Variants in TNIP3 observed in about 807,000 individuals in gnomAD.
TNIP3 encodes TNFAIP3-interacting protein 3.
A neutral mutation model predicts 54.1 loss-of-function variants in TNIP3; 34 were observed. The ratio of observed to expected loss-of-function variants is 0.63; its 90% CI spans 0.48 to 0.84. TNIP3 has a LOEUF of 0.84. Ranked by LOEUF, TNIP3 falls within the 40% of genes least tolerant of loss-of-function variation. The probability of loss-of-function intolerance (pLI) is 0.00; values close to 1 mark genes in which losing one functional copy is unlikely to be tolerated. For missense variants in TNIP3, 366 were observed against 387.6 expected, an observed-to-expected ratio of 0.94 and a Z score of 0.47; for synonymous variants, 134 against 136.8, an observed-to-expected ratio of 0.98 and a Z score of 0.14.
At chr4:121,200,398 A>G (rs962643380) in intron 2 of TNIP3, among the ~76,000 whole-genome samples, 4 of 152,170 alleles carry the variant, frequency 2.6e-5, no homozygotes, top group Admixed American at 6.5e-5. Flanking sequence ...CAATGTCTCA[A>G]AACTGTACCT....
intron 3 of TNIP3, among the ~76,000 whole-genome samples, chr4:121,176,511 CATTATG>C (rs1329857543): frequency 1.2e-4 from 14 of 116,388 alleles, no homozygotes; most frequent in Admixed American, 9.4e-4. Context: ...ATCCTACTAG[CATTATG>C]ATGATGATGA....
intron 2 of TNIP3, among the ~76,000 whole-genome samples, chr4:121,186,043 G>A (rs1725000743): frequency 6.6e-6 from 1 of 152,210 alleles, no homozygotes; most frequent in South Asian, 2.1e-4. Context: ...CGTGAGCCTG[G>A]TTCAGCACAC....
upstream of TNIP3, among the ~76,000 whole-genome samples, chr4:121,217,789 A>G (rs1215413772): frequency 2.6e-5 from 4 of 152,216 alleles, no homozygotes; most frequent in Admixed American, 2.6e-4. Context: ...AAGGTTTTTA[A>G]AATGTCTTAT....
chr4:121,158,319 C>T (rs139901436), intron 3 of TNIP3, among the ~76,000 whole-genome samples: 1 of 152,064 alleles, frequency 6.6e-6, no homozygotes, highest in Non-Finnish European at 1.5e-5. Flanking sequence ...GCTAACCTGG[C>T]GTAAACAGTA....
At chr4:121,223,723 C>G (rs201990839) in intron 1 of TNIP3, among the ~76,000 whole-genome samples, 1 of 152,270 alleles carries the variant, frequency 6.6e-6, no homozygotes, top group East Asian at 1.9e-4. Flanking sequence ...CTTAGCTTCC[C>G]TATCCATTAG....
At chr4:121,182,834 G>A (rs1214258712) in intron 2 of TNIP3, 2 of 1,531,324 alleles carry the variant, frequency 1.3e-6, no homozygotes, top group Non-Finnish European at 1.7e-6. Flanking sequence ...ATTATACAAA[G>A]GTAATTAAAA....
intron 9 of TNIP3, among the ~76,000 whole-genome samples, chr4:121,140,722 T>G (rs540564263): frequency 6.6e-6 from 1 of 152,026 alleles, no homozygotes; most frequent in Non-Finnish European, 1.5e-5. Flanking sequence ...AAAAAAAAAT[T>G]TAATGTTATT....
At chr4:121,176,507 C>T (rs1255812383) in intron 3 of TNIP3, among the ~76,000 whole-genome samples, 1 of 135,628 alleles carries the variant, frequency 7.4e-6, no homozygotes, top group Non-Finnish European at 1.6e-5. Context: ...GCTCATCCTA[C>T]TAGCATTATG....
At chr4:121,207,619 G>A (rs1002963559) in intron 2 of TNIP3, among the ~76,000 whole-genome samples, 2 of 152,112 alleles carry the variant, frequency 1.3e-5, no homozygotes, top group African/African-American at 4.8e-5. Context: ...GCCACACAGA[G>A]GAGAGCAATG....
At chr4:121,190,245 C>A (rs1335454015) in intron 2 of TNIP3, among the ~76,000 whole-genome samples, 1 of 152,118 alleles carries the variant, frequency 6.6e-6, no homozygotes, top group Non-Finnish European at 1.5e-5. Flanking sequence ...TTTTGCCTGG[C>A]GTGTTTACTC....
intron 2 of TNIP3, among the ~76,000 whole-genome samples, chr4:121,207,397 G>A (rs115785808): frequency 0.015 from 2,274 of 152,228 alleles, 28 homozygotes; most frequent in Non-Finnish European, 0.022. Flanking sequence ...ATCTATTAAA[G>A]TTTCATAGAA....
rs549902528 is a variant in TNIP3, at chr4:121,154,386, TG to T, written c.492+164del. On this transcript the variant is annotated intron_variant, in intron 5 of 10. Coordinates refer to ENST00000057513, the MANE Select transcript of TNIP3 (RefSeq NM_024873.6). Reference sequence around the variant, plus strand: ...TAAAGCCTCCTTAGCCAAGTATGACTGAAAGCTGCAGCTAGGAGTGATTTAT... The same window carrying T: ...TAAAGCCTCCTTAGCCAAGTATGACTAAAGCTGCAGCTAGGAGTGATTTAT... 9 of 876,056 alleles carry T rather than the reference TG, an allele frequency of 1.0e-5. No individual in the cohort carries two copies. The African/African-American group carries it at 1.2e-4, about 12-fold the overall frequency. The allele number at this position is 876,056 out of a possible 1,614,324, so 54.3% of individuals were successfully genotyped here. A position where few individuals can be genotyped will look rare whatever the true frequency, so the allele number is the denominator to read the frequency against.
intron 7 of TNIP3, 56 bp from the exon 8 acceptor site, chr4:121,142,832 C>CA (rs372045170): frequency 4.8e-6 from 7 of 1,450,714 alleles, no homozygotes; most frequent in East Asian, 2.4e-5. Context: ...CATTAATTCC[C>CA]AAGCCACTCT....
Position 121,132,328 on chromosome 4 carries a change from A to G in TNIP3, c.*303T>C, listed in dbSNP as rs1407977176. On this transcript the variant is annotated 3_prime_UTR_variant, in exon 11 of 11. Transcript: ENST00000057513. ...CTAAATCATAGAATCATTTTTGTGCATCCAACAGCAATATGCTGAAGAGAT... is the reference window on the plus strand; with the variant it reads ...CTAAATCATAGAATCATTTTTGTGCGTCCAACAGCAATATGCTGAAGAGAT... 1 of 342,202 alleles carries G rather than the reference A, an allele frequency of 2.9e-6. No homozygotes were observed. Among genetic ancestry groups the G allele is most frequent in the Non-Finnish European group, 5.3e-6 (1 of 188,100 alleles). The allele number at this position is 342,202 out of a possible 1,614,324, so 21.2% of individuals were successfully genotyped here.
In TNIP3 at chr4:121,138,650, G is replaced by A. The variant is rs776688084; in HGVS notation, c.920C>T (p.Pro307Leu). The A allele has an allele frequency of 1.9e-5, 30 of 1,613,902 alleles. No homozygotes were observed. Among genetic ancestry groups the A allele is most frequent in the African/African-American group, 4.0e-5 (3 of 74,924 alleles). ...DYQWYALDQL[P>L]PDVQHKANGL... is the part of the protein sequence containing the mutation. The stretch of plus-strand genomic sequence containing the variant: ...ATTTGCCTTGTGTTGTACATCTGGC[G>A]GAAGCTGGTCAAGAGCATACCACTG... The change falls in exon 10 of 11, where the codon CCG becomes CTG. Residue 307 changes from proline to leucine, a missense_variant. Transcript: ENST00000057513.
In TNIP3 at chr4:121,194,311, T is replaced by C. The variant is rs1368036508; in HGVS notation, c.69-11515A>G. On this transcript the variant is annotated intron_variant, in intron 2 of 12. Coordinates refer to the TNIP3 transcript ENST00000507879. ...CACGTCTTAAAAATTTTTTGATAAGTTTAAAATTATTTTATAAGTGCAAAA... is the reference window on the plus strand; with the variant it reads ...CACGTCTTAAAAATTTTTTGATAAGCTTAAAATTATTTTATAAGTGCAAAA... Among the ~76,000 whole-genome samples the C allele has an allele frequency of 5.5e-4, 84 of 152,178 alleles. 1 individual carries two copies. The highest frequency in any genetic ancestry group is 1.5e-5 in the Non-Finnish European group (1 of 68,014).
intron 2 of TNIP3, 92 bp downstream of exon 2, chr4:121,161,044 T>C (rs999772494): frequency 1.9e-5 from 19 of 1,019,482 alleles, no homozygotes; most frequent in Non-Finnish European, 2.8e-5. Context: ...TGTGACCTGA[T>C]AACAAAAATA....
chr4:121,215,535 G>A (rs937405592), intron 2 of TNIP3, among the ~76,000 whole-genome samples: 4 of 152,038 alleles, frequency 2.6e-5, no homozygotes, highest in Non-Finnish European at 4.4e-5. Flanking sequence ...ACACAAATAC[G>A]TGACTTTCCT....
chr4:121,161,228 A>T lies in TNIP3; in HGVS notation c.67-12T>A. The T allele has an allele frequency of 6.4e-7, 1 of 1,550,942 alleles. No homozygotes were observed. The highest frequency in any genetic ancestry group is 8.7e-7 in the Non-Finnish European group (1 of 1,149,936). On this transcript the variant is annotated splice_polypyrimidine_tract_variant and intron_variant, in intron 1 of 10. Transcript: ENST00000057513. ...GATGGTTCAGCACACTTAGAAAAAA[A>T]AAAAGAGAGAAGATTGAAACAAAGC...
Sources: allele counts gnomAD v4.1 joint callset (sites outside exome capture counted in the v4.1 genomes callset), GRCh38; gene constraint gnomAD v4.1.1; transcripts MANE v1.5; gene names NCBI Gene and HGNC (gene_info 2026-07-23, HGNC 2026-07-21).